Variants in CTBP2 observed in about 807,000 individuals in gnomAD.
CTBP2 encodes C-terminal binding protein 2.
A neutral mutation model predicts 80.3 loss-of-function variants in CTBP2; 30 were observed. The ratio of observed to expected loss-of-function variants is 0.37; its 90% CI spans 0.28 to 0.51. The LOEUF (loss-of-function observed/expected upper bound fraction) is 0.51, where lower values mean the gene tolerates loss of function less well. Ranked by LOEUF, CTBP2 falls within the 20% of genes least tolerant of loss-of-function variation. The pLI is 0.93. For missense variants in CTBP2, 1,212 were observed against 1,375.3 expected, an observed-to-expected ratio of 0.88 and a Z score of 1.88; for synonymous variants, 594 against 587.4, an observed-to-expected ratio of 1.01 and a Z score of -0.16.
chr10:124,992,486 C>G (rs921777933), intron 8 of CTBP2, among the ~76,000 whole-genome samples: 2 of 152,090 alleles, frequency 1.3e-5, no homozygotes, highest in Admixed American at 1.3e-4. Flanking sequence ...AACACACCCC[C>G]TTTTAAAATA....
rs71486514 is a variant in CTBP2 at position 125,082,589 on chromosome 10, CT to C, written c.-102+28400del. ...CCATGATCATTCTGCCAGCTTTCCTCTTTTTTTTTTTTTTTTTTGAAACAGT... is the reference window on the plus strand; with the variant it reads ...CCATGATCATTCTGCCAGCTTTCCTCTTTTTTTTTTTTTTTTTGAAACAGT... On this transcript the variant is annotated intron_variant, in intron 2 of 10. Coordinates refer to the CTBP2 transcript ENST00000337195. 5.3e-3 allele frequency among the ~76,000 whole-genome samples: 690 copies of C among 131,006 alleles called. 1 individual carries two copies. Among genetic ancestry groups the C allele is most frequent in the African/African-American group, 0.014 (450 of 32,214 alleles). 85.9% of individuals were successfully genotyped at this position (131,006 alleles called of 152,430 possible).
At chr10:125,084,652 T>A (rs1055561665) in intron 2 of CTBP2, among the ~76,000 whole-genome samples, 1 of 152,004 alleles carries the variant, frequency 6.6e-6, no homozygotes, top group Non-Finnish European at 1.5e-5. Context: ...AGTGAAGCAC[T>A]CAGAAGCACA....
Position 125,076,360 on chromosome 10 carries a change from C to T in CTBP2, c.-102+34630G>A, listed in dbSNP as rs571152306. 6.6e-4 allele frequency among the ~76,000 whole-genome samples: 100 copies of T among 152,294 alleles called. 2 individuals are homozygous for T. Among genetic ancestry groups the T allele is most frequent in the Non-Finnish European group, 1.3e-3 (88 of 68,026 alleles). ...TCAACCACTTTGGGAGCACGGCCAT[C>T]GCCCAGTCAGCTCTGGCCCCTACAC... is the stretch of plus-strand genomic sequence containing the variant. On this transcript the variant is annotated intron_variant, in intron 2 of 10. Transcript: ENST00000337195.
chr10:124,992,585 C>A (rs1024698864), intron 8 of CTBP2, 110 bp downstream of exon 10: 4 of 682,686 alleles, frequency 5.9e-6, no homozygotes, highest in Non-Finnish European at 7.6e-6. Context: ...TTGTTCTGAC[C>A]CTGACTTAGC....
In CTBP2 at chr10:125,027,559, C is replaced by T. The variant is rs1252822209; in HGVS notation, c.201G>A (p.Glu67=). The T allele has an allele frequency of 1.2e-6, 2 of 1,614,126 alleles. No individual in the cohort carries two copies. The highest frequency in any genetic ancestry group is 1.7e-6 in the Non-Finnish European group (2 of 1,180,014). Residue 67 remains glutamate (E), a synonymous_variant, in exon 1 of 9, where the codon GAG becomes GAA. Transcript: ENST00000309035. ...AAACGGCCTCCCGGTACAGGTAGGG[C>T]TCGGCGGCCACGGGCAGGGCAGCGT... is the stretch of plus-strand genomic sequence containing the variant.
chr10:125,056,067 A>G (rs143826337), intron 2 of CTBP2, among the ~76,000 whole-genome samples: 1,665 of 152,262 alleles, frequency 0.011, 25 homozygotes, highest in African/African-American at 0.037. Context: ...CAGGAGGCTA[A>G]GGCAGGAGAA....
At chr10:125,046,846 G>A (rs925916807) in intron 2 of CTBP2, among the ~76,000 whole-genome samples, 9 of 152,252 alleles carry the variant, frequency 5.9e-5, no homozygotes, top group South Asian at 2.1e-4. Flanking sequence ...AAATCCTCCC[G>A]TTTTGGTTAA....
chr10:125,060,442 CATG>C lies in CTBP2; in HGVS notation c.-101-21290_-101-21288del, dbSNP rs542233097. Among the ~76,000 whole-genome samples the C allele has an allele frequency of 9.9e-4, 149 of 151,234 alleles. 1 individual carries two copies. Among genetic ancestry groups the C allele is most frequent in the African/African-American group, 3.5e-3 (143 of 41,050 alleles). Reference sequence around the variant, plus strand: ...AATGCATTTTTCCTTAACTACTGGTCATGATATTCCATTCCCCCCACGTGTGTG... The same window carrying C: ...AATGCATTTTTCCTTAACTACTGGTCATATTCCATTCCCCCCACGTGTGTG... On this transcript the variant is annotated intron_variant, in intron 2 of 10. Coordinates refer to the CTBP2 transcript ENST00000337195.
At chr10:125,057,111 G>A (rs555951544) in intron 2 of CTBP2, among the ~76,000 whole-genome samples, 8 of 152,354 alleles carry the variant, frequency 5.3e-5, no homozygotes, top group African/African-American at 1.7e-4. Flanking sequence ...AGGCCAGAAG[G>A]CAGTGCAATC....
At chr10:125,134,770 G>A (rs972312851) in intron 1 of CTBP2, among the ~76,000 whole-genome samples, 3 of 151,966 alleles carry the variant, frequency 2.0e-5, no homozygotes, top group Non-Finnish European at 2.9e-5. Context: ...GTACAGATGC[G>A]TGTGGCCAGG....
At chr10:125,055,393 T>C (rs553220116) in intron 2 of CTBP2, among the ~76,000 whole-genome samples, 1 of 152,342 alleles carries the variant, frequency 6.6e-6, no homozygotes, top group Non-Finnish European at 1.5e-5. Context: ...TGTGCCCAGA[T>C]GCTTGGGTGG....
intron 2 of CTBP2, among the ~76,000 whole-genome samples, chr10:125,098,936 G>C (rs549846760): frequency 1.6e-4 from 24 of 152,224 alleles, no homozygotes; most frequent in African/African-American, 5.8e-4. Context: ...GGTGTGTGGG[G>C]AATGGAACTG....
At chr10:125,047,773 T>C (rs1206282176) in intron 2 of CTBP2, among the ~76,000 whole-genome samples, 1 of 152,236 alleles carries the variant, frequency 6.6e-6, no homozygotes, top group Non-Finnish European at 1.5e-5. Flanking sequence ...ATTGCTGTCT[T>C]AATATATGAA....
At chr10:125,060,795 A>C (rs1203023810) in intron 2 of CTBP2, among the ~76,000 whole-genome samples, 1 of 152,238 alleles carries the variant, frequency 6.6e-6, no homozygotes, top group East Asian at 1.9e-4. Context: ...GCTTCCCCAG[A>C]GAGGCCGGTG....
intron 1 of CTBP2, among the ~76,000 whole-genome samples, chr10:125,114,755 C>T (rs1040896864): frequency 6.6e-6 from 1 of 152,048 alleles, no homozygotes; most frequent in Non-Finnish European, 1.5e-5. Flanking sequence ...TCTTTCAGAA[C>T]AGCTTCTGTA....
At chr10:125,078,515 CTTTT>C (rs71029237) in intron 2 of CTBP2, among the ~76,000 whole-genome samples, 5 of 146,834 alleles carry the variant, frequency 3.4e-5, no homozygotes, top group East Asian at 2.0e-4. Flanking sequence ...CTTCCACAGC[CTTTT>C]TTTTTTTTTA....
At chr10:125,036,668 GGTGTGTGTGTGTGT>G (rs59284647) in intron 3 of CTBP2, among the ~76,000 whole-genome samples, 26,071 of 119,174 alleles carry the variant, frequency 0.22, 2,499 homozygotes, top group Middle Eastern at 0.28. Context: ...AGCTAGAGGG[GGTGTGTGTGTGTGT>G]GTGTGTGTGT....
intron 2 of CTBP2, among the ~76,000 whole-genome samples, chr10:125,064,748 G>A (rs149071177): frequency 6.6e-6 from 1 of 152,214 alleles, no homozygotes; most frequent in Non-Finnish European, 1.5e-5. Context: ...TCCCCAGTCA[G>A]CCTTGACCCT....
intron 2 of CTBP2, among the ~76,000 whole-genome samples, chr10:125,067,122 G>C (rs990236343): frequency 6.6e-6 from 1 of 152,102 alleles, no homozygotes; most frequent in African/African-American, 2.4e-5. Context: ...TTTTTATTTA[G>C]AGATTACACA....
Sources: gnomAD v4.1 joint callset for allele counts (sites outside exome capture counted in the v4.1 genomes callset) on GRCh38, gnomAD v4.1.1 for gene constraint, MANE v1.5 for transcripts, NCBI Gene and HGNC (gene_info 2026-07-23, HGNC 2026-07-21) for gene names.